PAPPA: variants seen among roughly 807,000 people sequenced by gnomAD.
The protein encoded by PAPPA is pappalysin 1.
PAPPA carries 60 observed loss-of-function variants against 164.0 expected under a neutral mutation model. The observed-to-expected ratio is 0.37, with a 90% CI of 0.30 to 0.45. The LOEUF is 0.45. Ranked by LOEUF, PAPPA falls within the 20% of genes least tolerant of loss-of-function variation. The pLI, the probability that PAPPA is intolerant of heterozygous loss-of-function variation, is 1.00. For synonymous variants in PAPPA, 875 were observed against 814.1 expected, an observed-to-expected ratio of 1.07 and a Z score of -1.27; for missense variants, 1,782 against 2,087.3, an observed-to-expected ratio of 0.85 and a Z score of 2.85.
At chr9:116,184,414 C>G (rs1022891151) in intron 1 of PAPPA, among the ~76,000 whole-genome samples, 1 of 152,028 alleles carries the variant, frequency 6.6e-6, no homozygotes, top group Non-Finnish European at 1.5e-5. Flanking sequence ...CTTGATATGT[C>G]GTGCAAGATG....
intron 10 of PAPPA, among the ~76,000 whole-genome samples, chr9:116,325,424 G>A (rs921057996): frequency 6.6e-5 from 10 of 152,158 alleles, no homozygotes; most frequent in South Asian, 2.1e-4. Context: ...AGGGGGAATC[G>A]GAGAGTCAGA....
chr9:116,169,600 A>G (rs2118586368), intron 1 of PAPPA, among the ~76,000 whole-genome samples: 1 of 151,956 alleles, frequency 6.6e-6, no homozygotes, highest in Middle Eastern at 3.4e-3. Context: ...GATTACAAGC[A>G]TGAGCCACCG....
chr9:116,335,029 T>C lies in PAPPA; in HGVS notation c.3566T>C (p.Leu1189Pro). 8 of 1,613,800 alleles carry C rather than the reference T, an allele frequency of 5.0e-6. No individual in the cohort carries two copies. Among genetic ancestry groups the C allele is most frequent in the Non-Finnish European group, 6.8e-6 (8 of 1,179,972 alleles). Residue 1189 changes from leucine to proline, a missense_variant, in exon 13 of 22, where the codon CTG (leucine) becomes CCG (proline). By Grantham distance (98) the Leu-to-Pro change is moderately conservative (BLOSUM62 -3). Coordinates refer to ENST00000328252, the MANE Select transcript of PAPPA (RefSeq NM_002581.5). ...TTCGACAACTTTGACCCCGTCACCC[T>C]GAGCAGCTGCCAGAGAGGGGAGACC... ...RSFDNFDPVT[L>P]SSCQRGETYS...
intron 4 of PAPPA, among the ~76,000 whole-genome samples, chr9:116,214,470 G>A (rs1844346978): frequency 6.6e-6 from 1 of 152,122 alleles, no homozygotes; most frequent in Non-Finnish European, 1.5e-5. Flanking sequence ...CTAAACTCAA[G>A]TGTTTCTTAC....
At chr9:116,183,930 A>G (rs778901923) in intron 1 of PAPPA, among the ~76,000 whole-genome samples, 14 of 152,296 alleles carry the variant, frequency 9.2e-5, no homozygotes, top group Non-Finnish European at 1.9e-4. Flanking sequence ...ATGTGTAAAC[A>G]TTTTACCTTG....
At chr9:116,180,344 G>C (rs1034027917) in intron 1 of PAPPA, among the ~76,000 whole-genome samples, 1 of 151,954 alleles carries the variant, frequency 6.6e-6, no homozygotes, top group African/African-American at 2.4e-5. Flanking sequence ...TTTGGCTCTG[G>C]AGTGAAAGAG....
At chr9:116,181,793 T>G (rs1564175725) in intron 1 of PAPPA, among the ~76,000 whole-genome samples, 1 of 152,248 alleles carries the variant, frequency 6.6e-6, no homozygotes, top group Non-Finnish European at 1.5e-5. Context: ...CAACTATGCC[T>G]GGACAAACTT....
chr9:116,261,835 C>T (rs1186071130), intron 7 of PAPPA, among the ~76,000 whole-genome samples: 1 of 152,026 alleles, frequency 6.6e-6, no homozygotes, highest in Non-Finnish European at 1.5e-5. Context: ...CCCTATGGCA[C>T]ATATGCCATT....
intron 10 of PAPPA, among the ~76,000 whole-genome samples, chr9:116,304,097 A>G (rs911658764): frequency 1.3e-5 from 2 of 152,144 alleles, no homozygotes; most frequent in African/African-American, 4.8e-5. Flanking sequence ...GCTAGGGTTC[A>G]TCCTCCCCCT....
rs1476603845 is a variant in PAPPA, at chr9:116,398,697, A to T, written c.*2081A>T. On this transcript the variant is annotated 3_prime_UTR_variant, in exon 22 of 22. Coordinates refer to ENST00000328252, the MANE Select transcript of PAPPA (RefSeq NM_002581.5). ...GTTTATGAGACTTGTACCATTTCAC[A>T]AACTCTGAAATTGGGTTCCATATTG... 1 of 485,420 alleles carries T rather than the reference A, an allele frequency of 2.1e-6. No individual in the cohort carries two copies. The highest frequency in any genetic ancestry group is 2.0e-5 in the African/African-American group (1 of 50,612). The allele number at this position is 485,420 out of a possible 1,614,324, so 30.1% of individuals were successfully genotyped here. A position where few individuals can be genotyped will look rare whatever the true frequency, so the allele number is the denominator to read the frequency against.
rs73530045 is a variant in PAPPA, at chr9:116,262,005, G to C, written c.2733-3852G>C. On this transcript the variant is annotated intron_variant, in intron 7 of 21. Coordinates refer to ENST00000328252, the MANE Select transcript of PAPPA (RefSeq NM_002581.5). ...AGTGAGGAGGCTCACTGGATCCCAGGTGTTCTAAACCAGCCTGCGCAACCT... is the reference window on the plus strand; with the variant it reads ...AGTGAGGAGGCTCACTGGATCCCAGCTGTTCTAAACCAGCCTGCGCAACCT... Among the ~76,000 whole-genome samples the C allele has an allele frequency of 2.1e-3, 327 of 152,168 alleles. 1 individual carries two copies. Among genetic ancestry groups the C allele is most frequent in the African/African-American group, 7.5e-3 (311 of 41,506 alleles).
intron 8 of PAPPA, among the ~76,000 whole-genome samples, chr9:116,267,895 A>AAG (rs1845089927): frequency 6.6e-6 from 1 of 151,176 alleles, no homozygotes; most frequent in Admixed American, 6.6e-5. Flanking sequence ...AAAAAAAAAA[A>AAG]AAAAAAAAAA....
intron 3 of PAPPA, among the ~76,000 whole-genome samples, chr9:116,208,009 C>T (rs1300962130): frequency 6.6e-6 from 1 of 152,208 alleles, no homozygotes; most frequent in African/African-American, 2.4e-5. Flanking sequence ...ACTGTACTGG[C>T]ACAGCCAGTC....
intron 9 of PAPPA, among the ~76,000 whole-genome samples, chr9:116,273,772 T>G (rs561261169): frequency 1.3e-5 from 2 of 152,174 alleles, no homozygotes; most frequent in African/African-American, 4.8e-5. Flanking sequence ...AGACCCTGTC[T>G]CAAAATAAAA....
At chr9:116,289,776 G>T (rs1325659542) in intron 9 of PAPPA, among the ~76,000 whole-genome samples, 1 of 152,190 alleles carries the variant, frequency 6.6e-6, no homozygotes, top group Non-Finnish European at 1.5e-5. Flanking sequence ...CTATGTTTCT[G>T]CTCTCAAGGA....
intron 19 of PAPPA, among the ~76,000 whole-genome samples, chr9:116,370,124 G>C (rs1474978242): frequency 1.3e-5 from 2 of 152,114 alleles, no homozygotes; most frequent in African/African-American, 4.8e-5. Context: ...TAGATAGCTG[G>C]GGGTGAGGCT....
At chr9:116,389,865 A>AAAT (rs982100685) in intron 21 of PAPPA, among the ~76,000 whole-genome samples, 3 of 151,542 alleles carry the variant, frequency 2.0e-5, no homozygotes, top group African/African-American at 7.3e-5. Flanking sequence ...ACACACTATA[A>AAAT]AATATATTTA....
intron 3 of PAPPA, 44 bp downstream of exon 3, chr9:116,207,645 G>C (rs755289038): frequency 2.2e-5 from 33 of 1,477,100 alleles, no homozygotes; most frequent in Non-Finnish European, 3.1e-5. Flanking sequence ...GAGTAGGACA[G>C]TAATACACTT....
intron 9 of PAPPA, among the ~76,000 whole-genome samples, chr9:116,294,270 G>T (rs1331336561): frequency 6.6e-6 from 1 of 152,110 alleles, no homozygotes; most frequent in Non-Finnish European, 1.5e-5. Context: ...GCCCATGTGG[G>T]TATGTGGCCA....
Sources: gnomAD v4.1 joint callset for allele counts (sites outside exome capture counted in the v4.1 genomes callset) on GRCh38, gnomAD v4.1.1 for gene constraint, MANE v1.5 for transcripts, NCBI Gene and HGNC (gene_info 2026-07-23, HGNC 2026-07-21) for gene names.